Variants in STXBP6 observed in about 807,000 individuals in gnomAD.
The protein encoded by STXBP6 is syntaxin-binding protein 6.
A neutral mutation model predicts 26.9 loss-of-function variants in STXBP6; 21 were observed. The observed-to-expected ratio is 0.78, with a 90% CI of 0.55 to 1.12. The LOEUF (loss-of-function observed/expected upper bound fraction) is 1.12. STXBP6 is among the 50% of genes most tolerant of loss of function. STXBP6 has a pLI of 0.00. For synonymous variants in STXBP6, 97 were observed against 92.6 expected (o/e 1.05, Z -0.27); for missense variants, 232 against 257.9 (o/e 0.90, Z 0.69).
intron 1 of STXBP6, among the ~76,000 whole-genome samples, chr14:24,982,060 T>C (rs2074207446): frequency 6.6e-6 from 1 of 152,328 alleles, no homozygotes; most frequent in African/African-American, 2.4e-5. Context: ...CTCTGGATTT[T>C]GAAACAAGGA....
intron 2 of STXBP6, among the ~76,000 whole-genome samples, chr14:24,875,822 G>A (rs992203352): frequency 1.3e-5 from 2 of 152,142 alleles, no homozygotes; most frequent in South Asian, 2.1e-4. Context: ...TAAGGGTGGC[G>A]GGAGGGGAAA....
chr14:25,004,485 C>G (rs1356240501), intron 1 of STXBP6, among the ~76,000 whole-genome samples: 1 of 152,150 alleles, frequency 6.6e-6, no homozygotes, highest in Non-Finnish European at 1.5e-5. Flanking sequence ...TGTGGTTGAC[C>G]ACCTGAAATA....
At chr14:24,898,363 G>A (rs191832050) in intron 2 of STXBP6, among the ~76,000 whole-genome samples, 179 of 152,292 alleles carry the variant, frequency 1.2e-3, no homozygotes, top group Non-Finnish European at 1.3e-3. Flanking sequence ...TGAACCACAT[G>A]CTTTTTTAAC....
intron 4 of STXBP6, among the ~76,000 whole-genome samples, chr14:24,838,135 C>G (rs1594937829): frequency 6.6e-6 from 1 of 152,164 alleles, no homozygotes; most frequent in African/African-American, 2.4e-5. Context: ...CTCAGCCTCC[C>G]AAGTAGCTGG....
At chr14:24,835,794 C>T (rs929549230) in intron 4 of STXBP6, among the ~76,000 whole-genome samples, 23 of 152,152 alleles carry the variant, frequency 1.5e-4, no homozygotes, top group African/African-American at 3.6e-4. Context: ...ACCATAGCTA[C>T]GCTTAATAAC....
Position 25,005,027 on chromosome 14 carries a change from G to A in STXBP6, c.-32-30177C>T, listed in dbSNP as rs540515796. 2.6e-5 allele frequency among the ~76,000 whole-genome samples: 4 copies of A among 152,226 alleles called. No individual in the cohort carries two copies. The South Asian group carries it at 6.2e-4, about 24-fold the overall frequency. On this transcript the variant is annotated intron_variant, in intron 1 of 5. Transcript: ENST00000323944. ...CACTTACCACACAGTCACAGTATTAGTCAGGAAAGACTAGTCACTGCGGGA... is the reference window on the plus strand; with the variant it reads ...CACTTACCACACAGTCACAGTATTAATCAGGAAAGACTAGTCACTGCGGGA...
intron 2 of STXBP6, among the ~76,000 whole-genome samples, chr14:24,968,045 T>C (rs1399689824): frequency 6.6e-6 from 1 of 151,936 alleles, no homozygotes; most frequent in African/African-American, 2.4e-5. Flanking sequence ...ACCCAATAAA[T>C]AGGGATGCTG....
chr14:24,815,471 A>G (rs1331848563), intron 5 of STXBP6, among the ~76,000 whole-genome samples: 1 of 148,754 alleles, frequency 6.7e-6, no homozygotes, highest in Non-Finnish European at 1.5e-5. Context: ...CTATTATAAC[A>G]TAATAGTATT....
At chr14:24,852,374 G>A (rs2069185539) in intron 4 of STXBP6, among the ~76,000 whole-genome samples, 1 of 152,106 alleles carries the variant, frequency 6.6e-6, no homozygotes, top group African/African-American at 2.4e-5. Flanking sequence ...ACACGTCTAC[G>A]CTTTGTAACA....
At chr14:24,926,549 T>C (rs1335000183) in intron 2 of STXBP6, among the ~76,000 whole-genome samples, 1 of 152,202 alleles carries the variant, frequency 6.6e-6, no homozygotes, top group East Asian at 1.9e-4. Context: ...ACTCCATTAG[T>C]ACACTAGTAT....
chr14:24,906,776 T>C (rs116246860), intron 2 of STXBP6, among the ~76,000 whole-genome samples: 2,579 of 152,254 alleles, frequency 0.017, 57 homozygotes, highest in African/African-American at 0.058. Flanking sequence ...GTATAGTAAA[T>C]TGATGTAGTA....
intron 1 of STXBP6, among the ~76,000 whole-genome samples, chr14:25,042,021 T>C (rs2075651577): frequency 6.6e-6 from 1 of 152,356 alleles, no homozygotes; most frequent in Admixed American, 6.5e-5. Flanking sequence ...GTTTGATTTA[T>C]TGCACTTGTG....
chr14:24,815,096 A>G (rs1052039864), intron 5 of STXBP6, among the ~76,000 whole-genome samples: 2 of 152,176 alleles, frequency 1.3e-5, no homozygotes, highest in African/African-American at 4.8e-5. Flanking sequence ...AGGGAGGTAG[A>G]GCAGAAAGAG....
chr14:24,904,309 C>A (rs1047746809), intron 2 of STXBP6, among the ~76,000 whole-genome samples: 1 of 152,160 alleles, frequency 6.6e-6, no homozygotes, highest in African/African-American at 2.4e-5. Flanking sequence ...AAGTCAATTA[C>A]CCCATCTACG....
At chr14:24,932,706 T>C (rs1369837962) in intron 2 of STXBP6, among the ~76,000 whole-genome samples, 1 of 151,730 alleles carries the variant, frequency 6.6e-6, no homozygotes, top group Non-Finnish European at 1.5e-5. Flanking sequence ...AAGGGGTGAA[T>C]CAGAAATGCA....
At chr14:24,958,612 TA>T (rs552900452) in intron 2 of STXBP6, among the ~76,000 whole-genome samples, 1 of 152,154 alleles carries the variant, frequency 6.6e-6, no homozygotes, top group African/African-American at 2.4e-5. Context: ...ACAGTAATTT[TA>T]AAAAAACACC....
intron 2 of STXBP6, among the ~76,000 whole-genome samples, chr14:24,921,705 G>A (rs1238535171): frequency 6.6e-6 from 1 of 152,036 alleles, no homozygotes; most frequent in Non-Finnish European, 1.5e-5. Context: ...TCCCAGTATT[G>A]GGAAAGTCAG....
intron 2 of STXBP6, among the ~76,000 whole-genome samples, chr14:24,862,404 G>A (rs975702874): frequency 3.9e-5 from 6 of 152,116 alleles, no homozygotes; most frequent in Non-Finnish European, 7.4e-5. Flanking sequence ...CAAGCCACTG[G>A]GGAAAAATGT....
intron 2 of STXBP6, among the ~76,000 whole-genome samples, chr14:24,909,176 A>G: frequency 6.6e-6 from 1 of 152,230 alleles, no homozygotes; most frequent in East Asian, 1.9e-4. Context: ...ACATCTATAG[A>G]ATCAAAGGTG....
Sources: allele counts gnomAD v4.1 joint callset (sites outside exome capture counted in the v4.1 genomes callset), GRCh38; gene constraint gnomAD v4.1.1; transcripts MANE v1.5; gene names NCBI Gene and HGNC (gene_info 2026-07-23, HGNC 2026-07-21).